MRPL43: variants seen among roughly 807,000 people sequenced by gnomAD.
MRPL43 encodes large ribosomal subunit protein mL43.
MRPL43 carries 9 observed loss-of-function variants against 12.7 expected under a neutral mutation model. The observed-to-expected ratio is 0.71, with a 90% CI of 0.43 to 1.24. The LOEUF (loss-of-function observed/expected upper bound fraction) is 1.24, where lower values mean the gene tolerates loss of function less well. Among genes scored for constraint, MRPL43 ranks in the 50% most tolerant of loss-of-function variants. The pLI is 0.00. For synonymous variants in MRPL43, 116 were observed against 96.4 expected (o/e 1.20, Z -1.19); for missense variants, 211 against 229.2 (o/e 0.92, Z 0.51).
chr10:100,987,324 A>G lies in MRPL43; in HGVS notation c.120T>C (p.Ser40=). The G allele has an allele frequency of 6.2e-7, 1 of 1,612,264 alleles. No homozygotes were observed. Among genetic ancestry groups the G allele is most frequent in the Non-Finnish European group, 8.5e-7 (1 of 1,179,786 alleles). ...TTCCCTTGGCTCACCTGGCGCCGCG[A>G]GACGAGGCGCCGTCGCGGCTGACGC... The part of the protein sequence containing the change: ...SFSVSRDGAS[S]RGAREFVERE... The change falls in exon 1 of 3, where the codon TCT becomes TCC. Residue 40 remains serine (S), a synonymous_variant. Coordinates refer to ENST00000318364, the MANE Select transcript of MRPL43 (RefSeq NM_032112.3).
Position 100,986,842 on chromosome 10 carries a change from A to T in MRPL43, c.372T>A (p.Pro124=). ...RIRKPFHTDN[P]SIQGQWHPFT... is the part of the protein sequence containing the mutation. ...AGGGGTGCCACTGGCCCTGGATGCTAGGGTTGTCGGTGTGGAAGGGCTTGC... is the reference window on the plus strand; with the variant it reads ...AGGGGTGCCACTGGCCCTGGATGCTTGGGTTGTCGGTGTGGAAGGGCTTGC... The change falls in exon 3 of 3, where the codon CCT becomes CCA. Residue 124 remains proline (P), a synonymous_variant. Transcript: ENST00000318364. 1 of 1,613,800 alleles carries T rather than the reference A, an allele frequency of 6.2e-7. No individual in the cohort carries two copies. Among genetic ancestry groups the T allele is most frequent in the Non-Finnish European group, 8.5e-7 (1 of 1,179,998 alleles).
At chr10:100,978,672 G>C (rs745905478), downstream of MRPL43, 5 of 1,593,296 alleles carry the variant, frequency 3.1e-6, no homozygotes, top group Non-Finnish European at 3.4e-6. Flanking sequence ...ATGATGGGGG[G>C]TAGGGGACTA....
chr10:100,983,725 G>A (rs774916385), downstream of MRPL43: 1 of 1,613,456 alleles, frequency 6.2e-7, no homozygotes, highest in South Asian at 1.1e-5. Context: ...CTGCGGGAAG[G>A]CAGACGAGGG....
chr10:100,981,017 G>A (rs771312087), downstream of MRPL43: 2 of 1,593,076 alleles, frequency 1.3e-6, no homozygotes, highest in Non-Finnish European at 1.7e-6. Flanking sequence ...GGTGGGGGGT[G>A]ACAGTCACAT....
At chr10:100,978,263 G>C (rs778830178), downstream of MRPL43, 4 of 1,567,744 alleles carry the variant, frequency 2.6e-6, no homozygotes, top group Non-Finnish European at 3.5e-6. Flanking sequence ...CCTGTCTTCG[G>C]AACCACTTAC....
downstream of MRPL43, chr10:100,978,405 C>G: frequency 6.2e-7 from 1 of 1,610,318 alleles, no homozygotes. Flanking sequence ...AGGCCTTCTT[C>G]CCTATCACAG....
rs746294060 is a variant in MRPL43, at chr10:100,986,992, G to T, written c.239-17C>A. ...CCCCGTTAACTGGCAGAAGAGGGGT[G>T]AGAGTGGGTGGAAGCTGGCCGGTGC... On this transcript the variant is annotated splice_polypyrimidine_tract_variant and intron_variant, in intron 2 of 2. Coordinates refer to ENST00000318364, the MANE Select transcript of MRPL43 (RefSeq NM_032112.3). The T allele has an allele frequency of 1.9e-5, 31 of 1,605,278 alleles. No individual in the cohort carries two copies. The highest frequency in any genetic ancestry group is 2.5e-5 in the Non-Finnish European group (30 of 1,179,450).
downstream of MRPL43, chr10:100,979,399 T>C (rs1850947403): frequency 6.3e-7 from 1 of 1,578,018 alleles, no homozygotes; most frequent in Non-Finnish European, 8.6e-7. Flanking sequence ...TTTTTTTTTT[T>C]TTAAGAGGGA....
downstream of MRPL43, chr10:100,979,388 T>TC (rs1252842781): frequency 8.7e-7 from 1 of 1,145,724 alleles, no homozygotes; most frequent in East Asian, 3.0e-5. Flanking sequence ...AAGTGAGAAT[T>TC]TTTTTTTTTT....
chr10:100,986,834 T>C lies in MRPL43; in HGVS notation c.380A>G (p.Gln127Arg). The C allele has an allele frequency of 6.2e-7, 1 of 1,613,884 alleles. No individual in the cohort carries two copies. Among genetic ancestry groups the C allele is most frequent in the Admixed American group, 1.7e-5 (1 of 60,016 alleles). ...KPFHTDNPSI[Q>R]GQWHPFTNKP... ...GTTGGTGAAGGGGTGCCACTGGCCC[T>C]GGATGCTAGGGTTGTCGGTGTGGAA... Residue 127 changes from glutamine to arginine, a missense_variant, in exon 3 of 3, where the codon CAG (glutamine) becomes CGG (arginine). Gln to Arg is a conservative substitution (Grantham distance 43, BLOSUM62 1). Coordinates refer to ENST00000318364, the MANE Select transcript of MRPL43 (RefSeq NM_032112.3).
At chr10:100,979,617 G>A (rs796780996), downstream of MRPL43, among the ~76,000 whole-genome samples, 4 of 152,206 alleles carry the variant, frequency 2.6e-5, no homozygotes, top group East Asian at 1.9e-4. Flanking sequence ...TCTTGACCTC[G>A]TGATCTGCTC....
downstream of MRPL43, chr10:100,984,898 C>CA: frequency 6.8e-7 from 1 of 1,462,654 alleles, no homozygotes. Context: ...GTATGAGAGA[C>CA]AGAGCTCCAG....
downstream of MRPL43, chr10:100,980,225 T>C (rs1400651750): frequency 1.2e-6 from 2 of 1,614,250 alleles, no homozygotes; most frequent in South Asian, 1.1e-5. Flanking sequence ...GCTCGGCCCG[T>C]TGTGCCCACA....
chr10:100,983,691 T>A (rs1270578063), downstream of MRPL43: 1 of 1,613,452 alleles, frequency 6.2e-7, no homozygotes, highest in East Asian at 2.2e-5. Context: ...CATCCTGGCC[T>A]CCTCCCTCCT....
downstream of MRPL43, chr10:100,984,323 T>A: frequency 2.1e-6 from 3 of 1,439,956 alleles, no homozygotes; most frequent in Admixed American, 2.8e-5. Context: ...CAGACCCACA[T>A]GTGAGCAGCC....
At chr10:100,983,530 T>A, downstream of MRPL43, 1 of 1,614,106 alleles carries the variant, frequency 6.2e-7, no homozygotes. Flanking sequence ...GAAAATGGCC[T>A]CCGCACCCTG....
At chr10:100,978,694 T>G, downstream of MRPL43, 3 of 1,581,844 alleles carry the variant, frequency 1.9e-6, no homozygotes, top group Non-Finnish European at 2.6e-6. Context: ...TTCTTCATTT[T>G]TACTCCCTTG....
chr10:100,987,409 G>A lies in MRPL43; in HGVS notation c.35C>T (p.Ala12Val), dbSNP rs958238658. 1 of 1,612,446 alleles carries A rather than the reference G, an allele frequency of 6.2e-7. No individual in the cohort carries two copies. The highest frequency in any genetic ancestry group is 1.3e-5 in the African/African-American group (1 of 74,954). Residue 12 changes from alanine to valine, a missense_variant, in exon 1 of 3, where the codon GCC becomes GTC. Ala to Val is a moderately conservative substitution (Grantham distance 64). Coordinates refer to ENST00000318364, the MANE Select transcript of MRPL43 (RefSeq NM_032112.3). ...TARGTPSRFL[A>V]SVLHNGLGRY... ...ACCCAGTCCGTTGTGGAGAACGCTG[G>A]CCAAGAAGCGGCTCGGAGTCCCGCG... is the stretch of plus-strand genomic sequence containing the variant.
chr10:100,978,752 C>A, downstream of MRPL43: 2 of 1,563,320 alleles, frequency 1.3e-6, no homozygotes, highest in Non-Finnish European at 1.8e-6. Context: ...CCTGTCCATT[C>A]CATTCCTGTG....
Sources: gnomAD v4.1 joint callset for allele counts (sites outside exome capture counted in the v4.1 genomes callset) on GRCh38, gnomAD v4.1.1 for gene constraint, MANE v1.5 for transcripts, NCBI Gene and HGNC (gene_info 2026-07-23, HGNC 2026-07-21) for gene names.